C5orf52: variants seen among roughly 807,000 people sequenced by gnomAD.
C5orf52 encodes chromosome 5 open reading frame 52.
C5orf52 carries 15 observed loss-of-function variants against 16.8 expected under a neutral mutation model. The ratio of observed to expected loss-of-function variants is 0.89; its 90% CI spans 0.60 to 1.38. The LOEUF is 1.38. Ranked by LOEUF, C5orf52 falls within the 40% of genes most tolerant of loss-of-function variation. The pLI is 0.00. For missense variants in C5orf52, 206 were observed against 213.1 expected, an observed-to-expected ratio of 0.97 and a Z score of 0.21; for synonymous variants, 83 against 87.2, an observed-to-expected ratio of 0.95 and a Z score of 0.27.
rs1759799060 is a variant in C5orf52 at position 157,671,823 on chromosome 5, T to A, written c.209T>A (p.Phe70Tyr). The A allele has an allele frequency of 6.6e-7, 1 of 1,525,948 alleles. No homozygotes were observed. The highest frequency in any genetic ancestry group is 1.4e-5 in the African/African-American group (1 of 72,482). The allele number at this position is 1,525,948 out of a possible 1,614,324, so 94.5% of individuals were successfully genotyped here. ...RPRSAQQPVL[F>Y]SLMNSSEAAM... is the part of the protein sequence containing the mutation. ...AGGTCCGCGCAGCAGCCGGTGCTGT[T>A]CAGGTGTGGCCCGCATGCCCAGAGC... Residue 70 changes from phenylalanine to tyrosine, a missense_variant, in exon 1 of 3, where the codon TTC becomes TAC. Phe to Tyr is a conservative substitution (Grantham distance 22). Transcript: ENST00000409999.
chr5:157,675,874 C>T (rs191451573), intron 2 of C5orf52, among the ~76,000 whole-genome samples: 319 of 152,212 alleles, frequency 2.1e-3, no homozygotes, highest in African/African-American at 7.5e-3. Flanking sequence ...TAGAGTTTCA[C>T]CTGCTTACTC....
At position 157,679,872 on chromosome 5, in the gene C5orf52, TC is replaced by T; in HGVS notation, c.354del (p.Ser119AlafsTer7). On this transcript the variant is annotated frameshift_variant, in exon 3 of 3. Coordinates refer to ENST00000409999, the MANE Select transcript of C5orf52 (RefSeq NM_001145132.2). LOFTEE classifies it high-confidence loss of function. Reference protein sequence around the residue: ...VSALEKTKKKISHYYEHLKKK... With the variant: ...VSALEKTKKKXSHYYEHLKKK... ...GCTTTAGAGAAGACCAAGAAAAAGA[TC>T]AGCCACTACTATGAACACCTGAAAA... 1 of 1,551,230 alleles carries T rather than the reference TC, an allele frequency of 6.4e-7. No individual in the cohort carries two copies. Among genetic ancestry groups the T allele is most frequent in the Non-Finnish European group, 8.7e-7 (1 of 1,146,900 alleles).
intron 2 of C5orf52, among the ~76,000 whole-genome samples, chr5:157,677,999 A>G (rs1349622490): frequency 6.6e-6 from 1 of 151,990 alleles, no homozygotes; most frequent in East Asian, 1.9e-4. Context: ...AAAAAAAAAG[A>G]AAAAAAGAAA....
At position 157,680,114 on chromosome 5, in the gene C5orf52, T is replaced by C; in HGVS notation, c.*115T>C. The C allele has an allele frequency of 1.1e-6, 1 of 927,460 alleles. No homozygotes were observed. The highest frequency in any genetic ancestry group is 1.6e-6 in the Non-Finnish European group (1 of 623,114). 57.5% of individuals were successfully genotyped at this position (927,460 alleles called of 1,614,324 possible). A position where few individuals can be genotyped will look rare whatever the true frequency, so the allele number is the denominator to read the frequency against. On this transcript the variant is annotated 3_prime_UTR_variant, in exon 3 of 3. Transcript: ENST00000409999. ...AACTAGTAACTACAACCTACACAAC[T>C]GTAGAACAATAAACAGAAACCAGCA... is the stretch of plus-strand genomic sequence containing the variant.
chr5:157,674,040 C>T (rs985576126), intron 1 of C5orf52, among the ~76,000 whole-genome samples: 1 of 152,170 alleles, frequency 6.6e-6, no homozygotes, highest in Non-Finnish European at 1.5e-5. Context: ...AGTGAAAACT[C>T]AGTGCCTGTA....
chr5:157,673,438 T>A (rs1290962527), intron 1 of C5orf52, among the ~76,000 whole-genome samples: 3 of 152,146 alleles, frequency 2.0e-5, no homozygotes, highest in African/African-American at 7.2e-5. Flanking sequence ...TCAGGCTTCA[T>A]TCATATATAA....
rs754384596 is a variant in C5orf52 at position 157,671,767 on chromosome 5, G to C, written c.153G>C (p.Gly51=). The C allele has an allele frequency of 6.4e-7, 1 of 1,550,614 alleles. No homozygotes were observed. The highest frequency in any genetic ancestry group is 8.7e-7 in the Non-Finnish European group (1 of 1,146,584). ...GCCGCCGCCCAGAAATCGGCGTAGG[G>C]GGTCAGCCGCAGATCTGCTTTCCGC... is the stretch of plus-strand genomic sequence containing the variant. ...RLGRRPEIGV[G]GQPQICFPRP... is the part of the protein sequence containing the mutation. Residue 51 remains glycine (G), a synonymous_variant, in exon 1 of 3, where the codon GGG becomes GGC. Transcript: ENST00000409999.
chr5:157,674,987 GA>G, intron 1 of C5orf52, 104 bp from the exon 2 acceptor site: 1 of 666,744 alleles, frequency 1.5e-6, no homozygotes, highest in Non-Finnish European at 2.6e-6. Context: ...CTTGTCCCAA[GA>G]AACCCGGGGA....
At chr5:157,671,527 G>A, upstream of C5orf52, 2 of 1,125,036 alleles carry the variant, frequency 1.8e-6, no homozygotes, top group African/African-American at 1.6e-5. Flanking sequence ...CTCCGCCCAG[G>A]GACTCACTCC....
chr5:157,674,414 T>C (rs1759857938), intron 1 of C5orf52, among the ~76,000 whole-genome samples: 1 of 152,160 alleles, frequency 6.6e-6, no homozygotes, highest in African/African-American at 2.4e-5. Flanking sequence ...CCTACAACTT[T>C]ACTCCTCTCC....
At chr5:157,671,302 C>G, upstream of C5orf52, 1 of 370,098 alleles carries the variant, frequency 2.7e-6, no homozygotes, top group Non-Finnish European at 4.9e-6. Context: ...GTCCCCACGT[C>G]GAAGCGGAAA....
At chr5:157,675,560 T>A (rs553315707) in intron 2 of C5orf52, among the ~76,000 whole-genome samples, 119 of 152,180 alleles carry the variant, frequency 7.8e-4, no homozygotes, top group Admixed American at 1.0e-3. Context: ...TCCCAGCACT[T>A]TGGGAGGCTG....
In C5orf52 at chr5:157,671,832, G is replaced by A. The variant is rs932771616; in HGVS notation, c.212+6G>A. 3 of 1,498,618 alleles carry A rather than the reference G, an allele frequency of 2.0e-6. No homozygotes were observed. The highest frequency in any genetic ancestry group is 2.7e-6 in the Non-Finnish European group (3 of 1,118,434). 92.8% of individuals were successfully genotyped at this position (1,498,618 alleles called of 1,614,324 possible). A position where few individuals can be genotyped will look rare whatever the true frequency, so the allele number is the denominator to read the frequency against. ...CAGCAGCCGGTGCTGTTCAGGTGTG[G>A]CCCGCATGCCCAGAGCGTTCGTCAG... On this transcript the variant is annotated splice_donor_region_variant and intron_variant, in intron 1 of 2. Transcript: ENST00000409999.
chr5:157,671,471 C>T (rs1759787315), upstream of C5orf52: 2 of 654,044 alleles, frequency 3.1e-6, no homozygotes, highest in Non-Finnish European at 5.3e-6. Context: ...CCCTTCCCCG[C>T]AGCCAATATG....
intron 2 of C5orf52, among the ~76,000 whole-genome samples, chr5:157,678,723 AG>A (rs1317629448): frequency 6.6e-6 from 1 of 152,258 alleles, no homozygotes; most frequent in East Asian, 1.9e-4. Context: ...GGCCCCCCAA[AG>A]TGCTGGGATT....
chr5:157,677,562 G>A (rs1023276346), intron 2 of C5orf52, among the ~76,000 whole-genome samples: 4 of 150,410 alleles, frequency 2.7e-5, no homozygotes, highest in Non-Finnish European at 5.9e-5. Context: ...GCTGAGGCAG[G>A]AGAATTGCTT....
intron 1 of C5orf52, among the ~76,000 whole-genome samples, chr5:157,673,653 T>A (rs573609846): frequency 8.7e-4 from 123 of 140,934 alleles, no homozygotes; most frequent in Non-Finnish European, 1.8e-3. Context: ...ATATGAACAA[T>A]TTTTTTTTTT....
intron 2 of C5orf52, among the ~76,000 whole-genome samples, chr5:157,676,032 T>C (rs1291172488): frequency 6.6e-6 from 1 of 152,082 alleles, no homozygotes; most frequent in Non-Finnish European, 1.5e-5. Flanking sequence ...AACACACTCA[T>C]TCTTTCAAGC....
intron 2 of C5orf52, among the ~76,000 whole-genome samples, chr5:157,678,185 G>A (rs1203190900): frequency 1.3e-5 from 2 of 152,092 alleles, no homozygotes; most frequent in African/African-American, 2.4e-5. Flanking sequence ...TGGAGAACAC[G>A]GACTTGAACT....
Sources: allele counts gnomAD v4.1 joint callset (sites outside exome capture counted in the v4.1 genomes callset), GRCh38; gene constraint gnomAD v4.1.1; transcripts MANE v1.5; gene names NCBI Gene and HGNC (gene_info 2026-07-23, HGNC 2026-07-21).